The following CHCHD2 variants were observed in gnomAD, a reference collection of about 807,000 sequenced individuals.
CHCHD2 encodes the protein coiled-coil-helix-coiled-coil-helix domain-containing protein 2.
Under a neutral mutation model 17.5 loss-of-function variants are expected in CHCHD2, and 17 were observed. The ratio of observed to expected loss-of-function variants is 0.97; its 90% confidence interval spans 0.67 to 1.46. The LOEUF is 1.46. Among genes scored for constraint, CHCHD2 ranks in the 40% most tolerant of loss-of-function variants. CHCHD2 has a pLI of 0.00. For synonymous variants in CHCHD2, 63 were observed against 74.3 expected, an observed-to-expected ratio of 0.85 and a Z score of 0.78; for missense variants, 175 against 199.9, an observed-to-expected ratio of 0.88 and a Z score of 0.75.
intron 3 of CHCHD2, 156 bp downstream of exon 3, chr7:56,102,703 TCATAAAAA>T: frequency 2.9e-6 from 2 of 698,718 alleles, no homozygotes; most frequent in Non-Finnish European, 2.3e-6. Context: ...AGAAAATTAC[TCATAAAAA>T]TGACTAGAAA....
chr7:56,106,419 G>A lies in CHCHD2; in HGVS notation c.-6C>T, dbSNP rs2115590484. On this transcript the variant is annotated 5_prime_UTR_variant, in exon 1 of 4. Coordinates refer to ENST00000395422, the MANE Select transcript of CHCHD2 (RefSeq NM_016139.4). ...CTTCGGCTTCCACGCGGCATCCTAGGTAAGCGACGGCTAGGCCTCCGGACG... is the reference window on the plus strand; with the variant it reads ...CTTCGGCTTCCACGCGGCATCCTAGATAAGCGACGGCTAGGCCTCCGGACG... The A allele has an allele frequency of 6.2e-7, 1 of 1,613,382 alleles. No individual in the cohort carries two copies. The highest frequency in any genetic ancestry group is 8.5e-7 in the Non-Finnish European group (1 of 1,179,614).
At chr7:56,102,708 A>C in intron 3 of CHCHD2, 159 bp downstream of exon 3, 1 of 742,206 alleles carries the variant, frequency 1.3e-6, no homozygotes, top group South Asian at 1.9e-5. Flanking sequence ...ATTACTCATA[A>C]AAATGACTAG....
Position 56,106,350 on chromosome 7 carries a change from T to G in CHCHD2, c.50+14A>C. ...ACGGCCGCGCTTTGGTCTCAAACCC[T>G]GCGATGGTCTCACCTGGCCGGAGGG... On this transcript the variant is annotated intron_variant, in intron 1 of 3. Transcript: ENST00000395422. 6.2e-7 allele frequency: 1 copy of G among 1,612,652 alleles called. No homozygotes were observed. Among genetic ancestry groups the G allele is most frequent in the Non-Finnish European group, 8.5e-7 (1 of 1,179,298 alleles).
intron 3 of CHCHD2, 25 bp downstream of exon 3, chr7:56,102,842 G>A (rs1398855081): frequency 6.2e-7 from 1 of 1,612,350 alleles, no homozygotes. Flanking sequence ...GAATTAAGCA[G>A]ATGTAAATTG....
intron 3 of CHCHD2, 119 bp from the exon 4 acceptor site, chr7:56,101,980 G>T (rs1785293154): frequency 3.2e-6 from 3 of 946,390 alleles, no homozygotes; most frequent in South Asian, 1.5e-5. Context: ...TTTGTTTTTT[G>T]TTTTTTTTTG....
chr7:56,103,876 A>C (rs1038301186), intron 2 of CHCHD2, among the ~76,000 whole-genome samples: 6 of 152,236 alleles, frequency 3.9e-5, no homozygotes, highest in Non-Finnish European at 8.8e-5. Context: ...CATCACGTAA[A>C]AGAACACACA....
At chr7:56,102,133 T>C (rs757341039) in intron 3 of CHCHD2, among the ~76,000 whole-genome samples, 2 of 152,124 alleles carry the variant, frequency 1.3e-5, no homozygotes, top group African/African-American at 2.4e-5. Context: ...GAAGGCATCC[T>C]ACAACTAACA....
intron 1 of CHCHD2, 129 bp downstream of exon 1, chr7:56,106,235 C>G (rs1260028148): frequency 1.3e-6 from 1 of 768,718 alleles, no homozygotes; most frequent in Non-Finnish European, 2.1e-6. Flanking sequence ...AATCTACCCC[C>G]GCCTGGCAGA....
rs778929119 is a variant in CHCHD2 at position 56,101,876 on chromosome 7, G to T, written c.446-15C>A. On this transcript the variant is annotated splice_polypyrimidine_tract_variant and intron_variant, in intron 3 of 3. Coordinates refer to ENST00000395422, the MANE Select transcript of CHCHD2 (RefSeq NM_016139.4). ...TTAGGCCAATCCTGCAAACAGAAAAGATTAAGTTAGAAGAATGCTAGCTTC... is the reference window on the plus strand; with the variant it reads ...TTAGGCCAATCCTGCAAACAGAAAATATTAAGTTAGAAGAATGCTAGCTTC... 2.5e-6 allele frequency: 4 copies of T among 1,612,480 alleles called. No individual in the cohort carries two copies. The East Asian group carries it at 8.9e-5, about 36-fold the overall frequency.
At chr7:56,103,154 G>T in intron 2 of CHCHD2, 143 bp from the exon 3 acceptor site, 1 of 784,928 alleles carries the variant, frequency 1.3e-6, no homozygotes, top group Non-Finnish European at 2.0e-6. Flanking sequence ...ATTAACATGG[G>T]AAGTGAAAAC....
chr7:56,105,596 T>C (rs1175845729), intron 1 of CHCHD2, among the ~76,000 whole-genome samples: 2 of 152,326 alleles, frequency 1.3e-5, no homozygotes, highest in Middle Eastern at 3.4e-3. Flanking sequence ...GGCCACATAA[T>C]GAGACCCTGT....
chr7:56,102,842 G>C lies in CHCHD2; in HGVS notation c.445+25C>G, dbSNP rs1398855081. 9.9e-6 allele frequency: 16 copies of C among 1,612,232 alleles called. No homozygotes were observed. In the Admixed American group the frequency reaches 2.7e-4, roughly 27 times the overall value. ...CAGGAATTCCACTGTGAATTAAGCA[G>C]ATGTAAATTGGACAAATTACCTACC... On this transcript the variant is annotated intron_variant, in intron 3 of 3. Coordinates refer to ENST00000395422, the MANE Select transcript of CHCHD2 (RefSeq NM_016139.4).
At position 56,102,623 on chromosome 7, in the gene CHCHD2, C is replaced by T. The variant is rs1785307954; in HGVS notation, c.445+244G>A. The T allele has an allele frequency of 9.5e-6, 4 of 422,810 alleles. No individual in the cohort carries two copies. In the South Asian group the frequency reaches 1.2e-4, roughly 12 times the overall value. The allele number at this position is 422,810 out of a possible 1,614,324, so 26.2% of individuals were successfully genotyped here. Reference sequence around the variant, plus strand: ...CATCAGGTGATCCACCCGTCTTGGCCTCCCAAAGTGCTGGGATTACAAGCG... The same window carrying T: ...CATCAGGTGATCCACCCGTCTTGGCTTCCCAAAGTGCTGGGATTACAAGCG... On this transcript the variant is annotated intron_variant, in intron 3 of 3. Transcript: ENST00000395422.
At chr7:56,102,225 T>A (rs1785297672) in intron 3 of CHCHD2, among the ~76,000 whole-genome samples, 1 of 152,216 alleles carries the variant, frequency 6.6e-6, no homozygotes, top group Non-Finnish European at 1.5e-5. Context: ...CAGGTATCAG[T>A]CTTTTTGTCT....
At chr7:56,105,471 G>A (rs1323309130) in intron 1 of CHCHD2, among the ~76,000 whole-genome samples, 1 of 152,148 alleles carries the variant, frequency 6.6e-6, no homozygotes, top group Non-Finnish European at 1.5e-5. Flanking sequence ...ACATTTTATT[G>A]ACGGATCAAA....
At chr7:56,103,404 C>T (rs764228633) in intron 2 of CHCHD2, among the ~76,000 whole-genome samples, 71 of 152,100 alleles carry the variant, frequency 4.7e-4, no homozygotes, top group African/African-American at 1.1e-3. Flanking sequence ...CGCTTGAACC[C>T]GGGCGGTGGA....
At position 56,102,943 on chromosome 7, in the gene CHCHD2, C is replaced by G; in HGVS notation, c.369G>C (p.Glu123Asp). Residue 123 changes from glutamate to aspartate, a missense_variant, in exon 3 of 4, where the codon GAG becomes GAC. Transcript: ENST00000395422. ...PCLYEIKQFL[E>D]CAQNQGDIKL... ...TGATGTCACCCTGGTTCTGGGCACA[C>G]TCCAGAAACTGTTTGATCTCATAGA... is the stretch of plus-strand genomic sequence containing the variant. 1 of 1,614,128 alleles carries G rather than the reference C, an allele frequency of 6.2e-7. No homozygotes were observed. The highest frequency in any genetic ancestry group is 8.5e-7 in the Non-Finnish European group (1 of 1,179,956).
Position 56,101,603 on chromosome 7 carries a change from T to C in CHCHD2, c.*248A>G, listed in dbSNP as rs1468558735. 9 of 452,710 alleles carry C rather than the reference T, an allele frequency of 2.0e-5. No individual in the cohort carries two copies. The highest frequency in any genetic ancestry group is 3.6e-5 in the Non-Finnish European group (9 of 248,854). The allele number at this position is 452,710 out of a possible 1,614,324, so 28.0% of individuals were successfully genotyped here. ...AGAAAATGACTTTATTCTAATTAAC[T>C]CACAAAGAATAAAATCATAACATAA... On this transcript the variant is annotated 3_prime_UTR_variant, in exon 4 of 4. Transcript: ENST00000395422.
intron 1 of CHCHD2, among the ~76,000 whole-genome samples, chr7:56,105,977 C>A (rs981636643): frequency 1.3e-5 from 2 of 152,060 alleles, no homozygotes; most frequent in African/African-American, 4.8e-5. Flanking sequence ...ATTTCGAGAC[C>A]CCTTCTCAAA....
Sources: allele counts gnomAD v4.1 joint callset (sites outside exome capture counted in the v4.1 genomes callset), GRCh38; gene constraint gnomAD v4.1.1; transcripts MANE v1.5; gene names NCBI Gene and HGNC (gene_info 2026-07-23, HGNC 2026-07-21).